The following FRMD3 variants were observed in gnomAD, a reference collection of about 807,000 sequenced individuals.
FRMD3 encodes FERM domain-containing protein 3.
Under a neutral mutation model 70.2 loss-of-function variants are expected in FRMD3, and 33 were observed. The ratio of observed to expected loss-of-function variants is 0.47; its 90% CI spans 0.36 to 0.63. The LOEUF (loss-of-function observed/expected upper bound fraction) is 0.63, where lower values mean the gene tolerates loss of function less well. Among genes scored for constraint, FRMD3 ranks in the 20% least tolerant of loss-of-function variants. FRMD3 has a pLI of 0.00. For synonymous variants in FRMD3, 279 were observed against 255.9 expected (o/e 1.09, Z -0.86); for missense variants, 632 against 711.4 (o/e 0.89, Z 1.27).
intron 4 of FRMD3, among the ~76,000 whole-genome samples, chr9:83,345,161 T>C (rs1049422833): frequency 1.3e-5 from 2 of 152,228 alleles, no homozygotes; most frequent in Non-Finnish European, 2.9e-5. Context: ...ATCTGCTTTA[T>C]GCTGTGCACT....
chr9:83,349,705 G>A lies in FRMD3; in HGVS notation c.348C>T (p.Pro116=). The A allele has an allele frequency of 6.2e-7, 1 of 1,611,968 alleles. No individual in the cohort carries two copies. Residue 116 remains proline (P), a synonymous_variant, in exon 4 of 14, where the codon CCC becomes CCT. Coordinates refer to ENST00000304195, the MANE Select transcript of FRMD3 (RefSeq NM_174938.6). ...TTGTGAGCTCTTCTTTAATCTTCAAGGGTTCATGTGGGTAGAATTTCACTC... is the reference window on the plus strand; with the variant it reads ...TTGTGAGCTCTTCTTTAATCTTCAAAGGTTCATGTGGGTAGAATTTCACTC... ...CFRVKFYPHE[P]LKIKEELTRY...
At chr9:83,507,732 A>ATATATATATG (rs1829232476) in intron 1 of FRMD3, among the ~76,000 whole-genome samples, 1 of 92,954 alleles carries the variant, frequency 1.1e-5, no homozygotes, top group African/African-American at 3.5e-5. Flanking sequence ...ATATATATAT[A>ATATATATATG]TATATATCTT....
chr9:83,538,373 A>C lies in FRMD3; in HGVS notation c.-142T>G, dbSNP rs1439897447. On this transcript the variant is annotated 5_prime_UTR_variant, in exon 1 of 14. Coordinates refer to ENST00000304195, the MANE Select transcript of FRMD3 (RefSeq NM_174938.6). This position sits in a 1 kb window ranked among gnomAD's most constrained non-coding sequence, Gnocchi z 4.7. ...CATCGGCAGCGTCGGGCGCCTGCGG[A>C]CACACATGCCCAGCGGCCGGGGCGC... is the stretch of plus-strand genomic sequence containing the variant. 1 of 677,536 alleles carries C rather than the reference A, an allele frequency of 1.5e-6. No homozygotes were observed. Among genetic ancestry groups the C allele is most frequent in the African/African-American group, 1.9e-5 (1 of 53,170 alleles). 42.0% of individuals were successfully genotyped at this position (677,536 alleles called of 1,614,324 possible).
chr9:83,466,189 G>A (rs1297102454), intron 1 of FRMD3, among the ~76,000 whole-genome samples: 2 of 152,198 alleles, frequency 1.3e-5, no homozygotes, highest in East Asian at 3.8e-4. Flanking sequence ...AGCCTTCCCT[G>A]TAACTACCAA....
At chr9:83,580,952 AT>A in the FRMD3 span, among the ~76,000 whole-genome samples, 1 of 152,148 alleles carries the variant, frequency 6.6e-6, no homozygotes, top group East Asian at 1.9e-4. Flanking sequence ...ACAAAGCATA[AT>A]GGAAAATAAA....
intron 3 of FRMD3, among the ~76,000 whole-genome samples, chr9:83,361,064 GA>G (rs1308300599): frequency 6.6e-6 from 1 of 152,190 alleles, no homozygotes; most frequent in Non-Finnish European, 1.5e-5. Context: ...CAACGCTGGA[GA>G]CACTCCATGG....
intron 1 of FRMD3, among the ~76,000 whole-genome samples, chr9:83,515,127 G>A (rs186956495): frequency 4.3e-4 from 66 of 152,300 alleles, no homozygotes; most frequent in Admixed American, 3.7e-3. Context: ...TTGACAAATT[G>A]ACAGAAGTAG....
Position 83,311,965 on chromosome 9 carries a change from C to A in FRMD3, c.695G>T (p.Gly232Val), listed in dbSNP as rs1215365758. 6.3e-7 allele frequency: 1 copy of A among 1,576,868 alleles called. No homozygotes were observed. Among genetic ancestry groups the A allele is most frequent in the East Asian group, 2.3e-5 (1 of 44,300 alleles). Residue 232 changes from glycine (G) to valine (V), a missense_variant, in exon 8 of 14, where the codon GGC becomes GTC. Gly to Val is a moderately radical substitution (Grantham distance 109, BLOSUM62 -3). Coordinates refer to ENST00000304195, the MANE Select transcript of FRMD3 (RefSeq NM_174938.6). ...VDPHPCKDST[G>V]TTTFLGFTAA... Reference sequence around the variant, plus strand: ...TGTGAATCCTAAAAATGTTGTTGTGCCTGTTGAATCCTGAAAAAAAAAAAA... The same window carrying A: ...TGTGAATCCTAAAAATGTTGTTGTGACTGTTGAATCCTGAAAAAAAAAAAA...
intron 13 of FRMD3, among the ~76,000 whole-genome samples, chr9:83,269,258 T>G (rs544344863): frequency 6.6e-6 from 1 of 152,316 alleles, no homozygotes; most frequent in African/African-American, 2.4e-5. Flanking sequence ...TAAAACAACA[T>G]ATGACCTGAC....
At chr9:83,436,103 A>C (rs1362472797) in intron 1 of FRMD3, among the ~76,000 whole-genome samples, 6 of 152,194 alleles carry the variant, frequency 3.9e-5, no homozygotes, top group Non-Finnish European at 5.9e-5. Context: ...CTCTACCCAC[A>C]GTCCTACCTT....
chr9:83,418,561 T>A (rs1318973961), intron 1 of FRMD3, among the ~76,000 whole-genome samples: 1 of 152,110 alleles, frequency 6.6e-6, no homozygotes, highest in Non-Finnish European at 1.5e-5. Context: ...GAATGCAGAT[T>A]AAAACCACAA....
chr9:83,256,309 G>A (rs985222410), intron 13 of FRMD3, among the ~76,000 whole-genome samples: 2 of 152,120 alleles, frequency 1.3e-5, no homozygotes, highest in Admixed American at 6.6e-5. Context: ...GGAAGTGCTG[G>A]CTAGACATAT....
At chr9:83,266,500 A>C (rs1034662578) in intron 13 of FRMD3, among the ~76,000 whole-genome samples, 2 of 152,224 alleles carry the variant, frequency 1.3e-5, no homozygotes, top group Non-Finnish European at 2.9e-5. Flanking sequence ...AAATATATTT[A>C]CAATGAAAAG....
chr9:83,307,506 G>T (rs2131037860), intron 10 of FRMD3, among the ~76,000 whole-genome samples: 1 of 152,352 alleles, frequency 6.6e-6, no homozygotes, highest in South Asian at 2.1e-4. Flanking sequence ...ACTGAGACAT[G>T]TTATAATATG....
intron 1 of FRMD3, among the ~76,000 whole-genome samples, chr9:83,422,086 G>A (rs1826662027): frequency 6.6e-6 from 1 of 152,158 alleles, no homozygotes; most frequent in Non-Finnish European, 1.5e-5. Flanking sequence ...TTAGCTGGGT[G>A]TGGTGGTGCA....
Position 83,536,930 on chromosome 9 carries a change from T to TAAAAAAAAAAAAAAAAAA in FRMD3, c.147+1137_147+1154dup, listed in dbSNP as rs142272516. Among the ~76,000 whole-genome samples the TAAAAAAAAAAAAAAAAAA allele has an allele frequency of 5.6e-4, 34 of 60,886 alleles. 2 individuals are homozygous for TAAAAAAAAAAAAAAAAAA. Among genetic ancestry groups the TAAAAAAAAAAAAAAAAAA allele is most frequent in the East Asian group, 1.0e-3 (2 of 1,940 alleles). The allele number at this position is 60,886 out of a possible 152,430, so 39.9% of individuals were successfully genotyped here. On this transcript the variant is annotated intron_variant, in intron 1 of 13. Coordinates refer to ENST00000304195, the MANE Select transcript of FRMD3 (RefSeq NM_174938.6). ...ATGGGTGGTGTGCCCTGTATTACAC[T>TAAAAAAAAAAAAAAAAAA]AAAAAAAAAAAAAAAAAAAAAAAGC...
At chr9:83,335,874 G>A (rs528723651) in intron 5 of FRMD3, among the ~76,000 whole-genome samples, 4 of 152,230 alleles carry the variant, frequency 2.6e-5, no homozygotes, top group African/African-American at 9.6e-5. Context: ...TTCTTTATCA[G>A]TATAATAAAG....
intron 1 of FRMD3, among the ~76,000 whole-genome samples, chr9:83,433,042 C>T (rs1189548663): frequency 6.6e-6 from 1 of 152,172 alleles, no homozygotes; most frequent in Non-Finnish European, 1.5e-5. Flanking sequence ...CTAGTTCCAT[C>T]CAAGTTGCCA....
chr9:83,421,876 T>G (rs1826653730), intron 1 of FRMD3, among the ~76,000 whole-genome samples: 1 of 152,134 alleles, frequency 6.6e-6, no homozygotes. Context: ...TAGCATGCAA[T>G]TCACACATGC....
Sources: allele counts gnomAD v4.1 joint callset (sites outside exome capture counted in the v4.1 genomes callset), GRCh38; gene constraint gnomAD v4.1.1; non-coding constraint Gnocchi (gnomAD v3.1); transcripts MANE v1.5; gene names NCBI Gene and HGNC (gene_info 2026-07-23, HGNC 2026-07-21).